Variants in ITGA5 observed in about 807,000 individuals in gnomAD.
ITGA5 encodes integrin alpha-5.
Under a neutral mutation model 146.3 loss-of-function variants are expected in ITGA5, and 55 were observed. The ratio of observed to expected loss-of-function variants is 0.38; its 90% CI spans 0.30 to 0.47. The LOEUF is 0.47. ITGA5 is among the 20% of genes least tolerant of loss of function. The probability of loss-of-function intolerance (pLI) is 0.99; values close to 1 mark genes in which losing one functional copy is unlikely to be tolerated. For synonymous variants in ITGA5, 500 were observed against 531.8 expected (o/e 0.94, Z 0.82); for missense variants, 1,131 against 1,329.0 (o/e 0.85, Z 2.32).
chr12:54,396,363 T>C lies in ITGA5; in HGVS notation c.3080A>G (p.Lys1027Arg), dbSNP rs146045476. 1.9e-6 allele frequency: 3 copies of C among 1,613,810 alleles called. No homozygotes were observed. The African/African-American group carries it at 4.0e-5, about 22-fold the overall frequency. ...IYILYKLGFF[K>R]RSLPYGTAME... ...GGCGGTGCCATATGGGAGGGAGCGTTTGAAGAATCCAAGCTGATAAAGGGG... is the reference window on the plus strand; with the variant it reads ...GGCGGTGCCATATGGGAGGGAGCGTCTGAAGAATCCAAGCTGATAAAGGGG... The change falls in exon 30 of 30, where the codon AAA (lysine) becomes AGA (arginine). Residue 1027 changes from lysine to arginine, a missense_variant. By Grantham distance (26) the Lys-to-Arg change is conservative. Around this residue, in one of 3 missense-constraint regions of ITGA5, gnomAD observed 889 missense variants for 1,021.5 expected, o/e 0.87. Coordinates refer to ENST00000293379, the MANE Select transcript of ITGA5 (RefSeq NM_002205.5).
chr12:54,404,635 C>T (rs751357033), intron 13 of ITGA5, 68 bp downstream of exon 13: 23 of 1,516,988 alleles, frequency 1.5e-5, no homozygotes, highest in African/African-American at 2.7e-5. Flanking sequence ...AGGAAAGGTG[C>T]AGAAGAGAGA....
Position 54,417,926 on chromosome 12 carries a change from A to G in ITGA5, c.218+1055T>C, listed in dbSNP as rs138512000. 1.5e-4 allele frequency among the ~76,000 whole-genome samples: 23 copies of G among 152,126 alleles called. 2 individuals are homozygous for G. The highest frequency in any genetic ancestry group is 5.5e-4 in the African/African-American group (23 of 41,486). The stretch of plus-strand genomic sequence containing the variant: ...TTGGTTCTAATGTTGCTTCCACTCT[A>G]ACTCCTGTTTCCCAAGCCTGTCAGT... On this transcript the variant is annotated intron_variant, in intron 1 of 29. Coordinates refer to ENST00000293379, the MANE Select transcript of ITGA5 (RefSeq NM_002205.5).
chr12:54,409,052 G>A lies in ITGA5; in HGVS notation c.584-98C>T. Reference sequence around the variant, plus strand: ...GAAGGAGGTGGGAGAGAGAACCAGAGAAAGGGCCTTCCTGGACCAGACAGT... The same window carrying A: ...GAAGGAGGTGGGAGAGAGAACCAGAAAAAGGGCCTTCCTGGACCAGACAGT... On this transcript the variant is annotated intron_variant, in intron 4 of 29. Transcript: ENST00000293379. The surrounding 1 kb of genome is among the most constrained non-coding windows in gnomAD (Gnocchi z 4.7). 7.0e-7 allele frequency: 1 copy of A among 1,433,780 alleles called. No homozygotes were observed. Among genetic ancestry groups the A allele is most frequent in the East Asian group, 2.3e-5 (1 of 43,906 alleles). The allele number at this position is 1,433,780 out of a possible 1,614,324, so 88.8% of individuals were successfully genotyped here. A position where few individuals can be genotyped will look rare whatever the true frequency, so the allele number is the denominator to read the frequency against.
chr12:54,417,253 G>A (rs1465707944), intron 1 of ITGA5, among the ~76,000 whole-genome samples: 1 of 151,930 alleles, frequency 6.6e-6, no homozygotes, highest in Non-Finnish European at 1.5e-5. Flanking sequence ...TTTTAGAGGA[G>A]TGTTTTAAAG....
At chr12:54,406,008 C>A (rs1266746389) in intron 9 of ITGA5, 82 bp from the exon 10 acceptor site, 1 of 1,236,728 alleles carries the variant, frequency 8.1e-7, no homozygotes. Flanking sequence ...ACAGGACACC[C>A]AGGGGCAGGC....
chr12:54,396,250 G>A lies in ITGA5; in HGVS notation c.*43C>T, dbSNP rs1386733450. The A allele has an allele frequency of 6.8e-7, 1 of 1,464,012 alleles. No homozygotes were observed. Among genetic ancestry groups the A allele is most frequent in the Non-Finnish European group, 9.6e-7 (1 of 1,044,408 alleles). The allele number at this position is 1,464,012 out of a possible 1,614,324, so 90.7% of individuals were successfully genotyped here. A position where few individuals can be genotyped will look rare whatever the true frequency, so the allele number is the denominator to read the frequency against. The stretch of plus-strand genomic sequence containing the variant: ...CTCCTTTTCAGTAGAATGAGGGTGG[G>A]GGGACTGGTTCTTCAGGAATGGGAG... On this transcript the variant is annotated 3_prime_UTR_variant, in exon 30 of 30. Coordinates refer to ENST00000293379, the MANE Select transcript of ITGA5 (RefSeq NM_002205.5).
intron 27 of ITGA5, among the ~76,000 whole-genome samples, chr12:54,399,005 A>G (rs990467442): frequency 6.6e-6 from 1 of 151,232 alleles, no homozygotes; most frequent in Non-Finnish European, 1.5e-5. Flanking sequence ...ATGCCCAGCT[A>G]ATTTTTGTTT....
In ITGA5 at chr12:54,405,347, G is replaced by A. The variant is rs1186666292; in HGVS notation, c.1044C>T (p.Pro348=). 1 of 1,609,396 alleles carries A rather than the reference G, an allele frequency of 6.2e-7. No homozygotes were observed. Among genetic ancestry groups the A allele is most frequent in the Admixed American group, 1.7e-5 (1 of 59,926 alleles). ...DGLDDLLVGA[P]LLMDRTPDGR... ...CGTCAGGGGTCCGATCCATGAGCAGGGGTGCCCCCACCAGCAAGTCATCCA... is the reference window on the plus strand; with the variant it reads ...CGTCAGGGGTCCGATCCATGAGCAGAGGTGCCCCCACCAGCAAGTCATCCA... Residue 348 remains proline, a synonymous_variant, in exon 12 of 30, where the codon CCC becomes CCT. Coordinates refer to ENST00000293379, the MANE Select transcript of ITGA5 (RefSeq NM_002205.5).
At position 54,403,332 on chromosome 12, in the gene ITGA5, C is replaced by A. The variant is rs373450513; in HGVS notation, c.1777-8G>T. ...TCGAAATTCTGACTCGTTCTGGGGCCAGAGGAGAGAGTTCACGGAGTCAGG... is the reference window on the plus strand; with the variant it reads ...TCGAAATTCTGACTCGTTCTGGGGCAAGAGGAGAGAGTTCACGGAGTCAGG... On this transcript the variant is annotated splice_region_variant and splice_polypyrimidine_tract_variant and intron_variant, in intron 17 of 29. Coordinates refer to ENST00000293379, the MANE Select transcript of ITGA5 (RefSeq NM_002205.5). This position sits in a 1 kb window ranked among gnomAD's most constrained non-coding sequence, Gnocchi z 4.9. 3 of 1,516,038 alleles carry A rather than the reference C, an allele frequency of 2.0e-6. No individual in the cohort carries two copies. The highest frequency in any genetic ancestry group is 2.6e-6 in the Non-Finnish European group (3 of 1,133,080). 93.9% of individuals were successfully genotyped at this position (1,516,038 alleles called of 1,614,324 possible). A position where few individuals can be genotyped will look rare whatever the true frequency, so the allele number is the denominator to read the frequency against.
rs1306095604 is a variant in ITGA5 at position 54,403,846 on chromosome 12, C to T, written c.1621+65G>A. 1 of 1,609,276 alleles carries T rather than the reference C, an allele frequency of 6.2e-7. No individual in the cohort carries two copies. Among genetic ancestry groups the T allele is most frequent in the Non-Finnish European group, 8.5e-7 (1 of 1,175,938 alleles). On this transcript the variant is annotated intron_variant, in intron 16 of 29. Coordinates refer to ENST00000293379, the MANE Select transcript of ITGA5 (RefSeq NM_002205.5). The surrounding 1 kb of genome is among the most constrained non-coding windows in gnomAD (Gnocchi z 4.9). The stretch of plus-strand genomic sequence containing the variant: ...TCATCTTTTCAGAGAGAAGAAATGT[C>T]CCCAGGTCCCCAGTCCCTTCATTCT...
chr12:54,399,890 A>C lies in ITGA5; in HGVS notation c.2701T>G (p.Ser901Ala). Residue 901 changes from serine to alanine, a missense_variant, in exon 26 of 30, where the codon TCT becomes GCT. Coordinates refer to ENST00000293379, the MANE Select transcript of ITGA5 (RefSeq NM_002205.5). ...AGGATCTGAGGTCCCGAGGAAGCAG[A>C]GCTGCGGCTTGGAGCTTCCCGTTTT... The part of the protein sequence containing the change: ...QQKREAPSRS[S>A]ASSGPQILKC... 1 of 1,614,124 alleles carries C rather than the reference A, an allele frequency of 6.2e-7. No homozygotes were observed. Among genetic ancestry groups the C allele is most frequent in the East Asian group, 2.2e-5 (1 of 44,882 alleles).
intron 10 of ITGA5, 26 bp from the exon 11 acceptor site, chr12:54,405,742 G>A: frequency 6.2e-7 from 1 of 1,613,242 alleles, no homozygotes; most frequent in Non-Finnish European, 8.5e-7. Context: ...GGGCAGCGCT[G>A]GGTCAGAACT....
rs1311398929 is a variant in ITGA5 at position 54,416,867 on chromosome 12, C to G, written c.218+2114G>C. On this transcript the variant is annotated intron_variant, in intron 1 of 29. Coordinates refer to ENST00000293379, the MANE Select transcript of ITGA5 (RefSeq NM_002205.5). The surrounding 1 kb of genome is among the most constrained non-coding windows in gnomAD (Gnocchi z 4.1). ...TTGGTGCTCGCCCTGTCCTTTAATA[C>G]TATTTTGGTGTTCACCACAAGAGGT... 1.3e-5 allele frequency among the ~76,000 whole-genome samples: 2 copies of G among 152,194 alleles called. No individual in the cohort carries two copies. The highest frequency in any genetic ancestry group is 2.9e-5 in the Non-Finnish European group (2 of 68,032).
At chr12:54,413,811 G>A (rs1480527706) in intron 1 of ITGA5, among the ~76,000 whole-genome samples, 1 of 152,232 alleles carries the variant, frequency 6.6e-6, no homozygotes, top group African/African-American at 2.4e-5. Flanking sequence ...CACTAACTGT[G>A]GACTTGGGCA....
intron 28 of ITGA5, 85 bp from the exon 29 acceptor site, chr12:54,397,572 A>G: frequency 6.6e-7 from 1 of 1,524,138 alleles, no homozygotes; most frequent in Non-Finnish European, 9.0e-7. Flanking sequence ...TTGGATCTGC[A>G]GAGCCCAGTG....
rs1187152464 is a variant in ITGA5 at position 54,396,062 on chromosome 12, C to T, written c.*231G>A. 1.3e-5 allele frequency: 6 copies of T among 456,986 alleles called. No individual in the cohort carries two copies. Among genetic ancestry groups the T allele is most frequent in the African/African-American group, 1.2e-4 (6 of 49,880 alleles). The allele number at this position is 456,986 out of a possible 1,614,324, so 28.3% of individuals were successfully genotyped here. On this transcript the variant is annotated 3_prime_UTR_variant, in exon 30 of 30. Coordinates refer to ENST00000293379, the MANE Select transcript of ITGA5 (RefSeq NM_002205.5). ...CTCTGTCCCTGGATCTGAGTTCCCC[C>T]ATCCATGAAGAGGGTATGTGTAAAC...
intron 9 of ITGA5, chr12:54,406,246 C>G (rs1258838759): frequency 4.7e-6 from 2 of 429,352 alleles, no homozygotes; most frequent in Non-Finnish European, 8.6e-6. Context: ...GCTTTCTCCT[C>G]AGAACCTAAA....
intron 28 of ITGA5, 101 bp downstream of exon 28, chr12:54,398,496 G>A: frequency 1.3e-6 from 1 of 768,780 alleles, no homozygotes; most frequent in Non-Finnish European, 2.2e-6. Context: ...ATTCTCAACA[G>A]TTGTTAACAA....
At position 54,411,860 on chromosome 12, in the gene ITGA5, C is replaced by A. The variant is rs757098110; in HGVS notation, c.323G>T (p.Cys108Phe). 7 of 1,569,818 alleles carry A rather than the reference C, an allele frequency of 4.5e-6. No homozygotes were observed. In the Admixed American group the frequency reaches 9.4e-5, roughly 21 times the overall value. ...TTTGCTGTCAAATTCAATGGGGGTG[C>A]ACTGTGTGGGGCTGGCACCCCAAGG... ...LCPWGASPTQ[C>F]TPIEFDSKGS... Residue 108 changes from cysteine (C) to phenylalanine (F), a missense_variant, in exon 2 of 30, where the codon TGC becomes TTC. Cys to Phe is a radical substitution (Grantham distance 205, BLOSUM62 -2). This residue lies in a region of ITGA5 where 175 missense variants were observed against 179.3 expected (regional missense o/e 0.98). Transcript: ENST00000293379.
Sources: allele counts gnomAD v4.1 joint callset (sites outside exome capture counted in the v4.1 genomes callset), GRCh38; gene constraint gnomAD v4.1.1; regional missense constraint gnomAD v4.1.1; non-coding constraint Gnocchi (gnomAD v3.1); transcripts MANE v1.5; gene names NCBI Gene and HGNC (gene_info 2026-07-23, HGNC 2026-07-21).